Variants in EEPD1 observed in about 807,000 individuals in gnomAD.
EEPD1 encodes endonuclease/exonuclease/phosphatase family domain containing 1.
In EEPD1, 17 loss-of-function variants were observed where a neutral mutation model predicts 46.3. The observed-to-expected ratio is 0.37, with a 90% CI of 0.25 to 0.55. The LOEUF (loss-of-function observed/expected upper bound fraction) is 0.55. Ranked by LOEUF, EEPD1 falls within the 20% of genes least tolerant of loss-of-function variation. EEPD1 has a pLI of 0.83. For missense variants in EEPD1, 673 were observed against 745.6 expected, an observed-to-expected ratio of 0.90 and a Z score of 1.13; for synonymous variants, 313 against 315.6, an observed-to-expected ratio of 0.99 and a Z score of 0.09.
At chr7:36,181,747 A>G (rs1158167653) in intron 2 of EEPD1, among the ~76,000 whole-genome samples, 2 of 152,206 alleles carry the variant, frequency 1.3e-5, no homozygotes, top group African/African-American at 4.8e-5. Context: ...AGTGGGTTGT[A>G]TGAAGTTCAA....
intron 3 of EEPD1, among the ~76,000 whole-genome samples, chr7:36,269,486 T>G (rs1421872870): frequency 6.6e-6 from 1 of 152,160 alleles, no homozygotes; most frequent in Non-Finnish European, 1.5e-5. Flanking sequence ...AGACCCTGTC[T>G]CTGAAAAACT....
chr7:36,278,944 C>T (rs570007041), intron 3 of EEPD1, among the ~76,000 whole-genome samples: 1 of 152,270 alleles, frequency 6.6e-6, no homozygotes, highest in South Asian at 2.1e-4. Context: ...GAAAGTAGAA[C>T]CTATAAAAGT....
intron 2 of EEPD1, among the ~76,000 whole-genome samples, chr7:36,188,248 T>G (rs1490918509): frequency 2.0e-5 from 3 of 152,240 alleles, no homozygotes; most frequent in Non-Finnish European, 1.5e-5. Flanking sequence ...TTATTAGTTG[T>G]ACTACAGCAT....
chr7:36,173,950 AATC>A lies in EEPD1; in HGVS notation c.878+18752_878+18754del, dbSNP rs201757283. On this transcript the variant is annotated intron_variant, in intron 2 of 7. Coordinates refer to ENST00000242108, the MANE Select transcript of EEPD1 (RefSeq NM_030636.3). ...GGGTCTGGGCCCTACAGGTCCGTGT[AATC>A]ATCCTGATCTCTGATGGAGAGCCAG... 4.8e-3 allele frequency among the ~76,000 whole-genome samples: 734 copies of A among 152,316 alleles called. 2 individuals are homozygous for A. The highest frequency in any genetic ancestry group is 7.5e-3 in the Non-Finnish European group (507 of 68,018).
intron 5 of EEPD1, among the ~76,000 whole-genome samples, chr7:36,286,111 G>A (rs997020485): frequency 2.6e-5 from 4 of 152,094 alleles, no homozygotes; most frequent in African/African-American, 7.2e-5. Flanking sequence ...TAACCCTATG[G>A]GTGATACTGA....
chr7:36,289,529 G>A (rs1787393386), intron 6 of EEPD1, among the ~76,000 whole-genome samples: 1 of 152,172 alleles, frequency 6.6e-6, no homozygotes, highest in Non-Finnish European at 1.5e-5. Context: ...TTGTGTGTGT[G>A]TGTCGCCCAG....
At chr7:36,271,951 G>A (rs763116707) in intron 3 of EEPD1, among the ~76,000 whole-genome samples, 31 of 151,122 alleles carry the variant, frequency 2.1e-4, no homozygotes, top group Non-Finnish European at 3.4e-4. Context: ...GCACAATCTC[G>A]GCCCACTGCA....
Position 36,154,517 on chromosome 7 carries a change from G to A in EEPD1, c.193G>A (p.Val65Met), listed in dbSNP as rs1164818369. Residue 65 changes from valine (V) to methionine (M), a missense_variant, in exon 2 of 8, where the codon GTG becomes ATG. Physicochemically the swap from Val to Met is conservative, Grantham distance 21. Transcript: ENST00000242108. The surrounding 1 kb of genome is among the most constrained non-coding windows in gnomAD (Gnocchi z 4.2). ...GACGCGTGCCGTGGCACGCAGCATC[G>A]TGGAGTACCGAGAGTATATCGGTGG... ...GVTRAVARSI[V>M]EYREYIGGFK... is the part of the protein sequence containing the mutation. 1.2e-6 allele frequency: 2 copies of A among 1,614,228 alleles called. No homozygotes were observed. The highest frequency in any genetic ancestry group is 1.7e-6 in the Non-Finnish European group (2 of 1,180,036).
rs141010322 is a variant in EEPD1, at chr7:36,154,645, G to A, written c.321G>A (p.Ala107=). 265 of 1,613,922 alleles carry A rather than the reference G, an allele frequency of 1.6e-4. 4 individuals carry two copies. In the East Asian group the frequency reaches 5.8e-3, roughly 35 times the overall value. The stretch of plus-strand genomic sequence containing the variant: ...GTGTGAGCAGCAAGGGCAGCTCAGC[G>A]CAGCACTCTCCCAGTTCCCTGCGGC... ...EICVSSKGSS[A]QHSPSSLRRD... The change falls in exon 2 of 8, where the codon GCG becomes GCA. Residue 107 remains alanine (A), a synonymous_variant. Transcript: ENST00000242108. The surrounding 1 kb of genome is among the most constrained non-coding windows in gnomAD (Gnocchi z 4.2).
At chr7:36,212,830 A>G (rs937469197) in intron 2 of EEPD1, among the ~76,000 whole-genome samples, 1 of 152,212 alleles carries the variant, frequency 6.6e-6, no homozygotes, top group Non-Finnish European at 1.5e-5. Context: ...CATATATTTT[A>G]TCATCATTAA....
At chr7:36,264,791 A>G (rs913228853) in intron 3 of EEPD1, among the ~76,000 whole-genome samples, 6 of 152,060 alleles carry the variant, frequency 3.9e-5, no homozygotes, top group African/African-American at 1.4e-4. Context: ...TAGCTTGGGT[A>G]TTTGGCTTTC....
rs1787360956 is a variant in EEPD1, at chr7:36,287,653, C to T, written c.1191C>T (p.Asp397=). The T allele has an allele frequency of 6.2e-7, 1 of 1,614,028 alleles. No individual in the cohort carries two copies. Among genetic ancestry groups the T allele is most frequent in the Non-Finnish European group, 8.5e-7 (1 of 1,179,930 alleles). The change falls in exon 6 of 8, where the codon GAC becomes GAT. Residue 397 remains aspartate, a synonymous_variant. Coordinates refer to ENST00000242108, the MANE Select transcript of EEPD1 (RefSeq NM_030636.3). ...YLGRFKVGSH[D]LTLVNLHLAA... ...CTGCTGCCTAGGTGGGAAGTCACGA[C>T]CTGACCCTTGTTAACCTTCACCTGG...
intron 2 of EEPD1, among the ~76,000 whole-genome samples, chr7:36,155,638 C>G (rs542553919): frequency 1.3e-5 from 2 of 152,282 alleles, no homozygotes; most frequent in Non-Finnish European, 2.9e-5. Flanking sequence ...CACACAAAAT[C>G]ATCTTAAAGG....
chr7:36,244,941 G>C (rs1437264930), intron 3 of EEPD1, among the ~76,000 whole-genome samples: 2 of 140,676 alleles, frequency 1.4e-5, no homozygotes, highest in Admixed American at 1.4e-4. Flanking sequence ...CCCGGCTAAT[G>C]TTTTTTTTTT....
chr7:36,239,383 C>T (rs978553437), intron 3 of EEPD1, among the ~76,000 whole-genome samples: 5 of 152,000 alleles, frequency 3.3e-5, no homozygotes, highest in African/African-American at 1.2e-4. Context: ...TGTTGGCCAC[C>T]TCACTGCATT....
chr7:36,158,452 G>T (rs1784856694), intron 2 of EEPD1, among the ~76,000 whole-genome samples: 1 of 152,188 alleles, frequency 6.6e-6, no homozygotes, highest in Non-Finnish European at 1.5e-5. Flanking sequence ...TTTAGTAGGT[G>T]TGTTTTCTTA....
chr7:36,228,911 G>A (rs1786273982), intron 2 of EEPD1: 1 of 152,280 alleles, frequency 6.6e-6, no homozygotes, highest in Non-Finnish European at 1.5e-5. Flanking sequence ...AGACATGTGA[G>A]TAGAGAGTGG....
chr7:36,187,955 G>A (rs568287944), intron 2 of EEPD1, among the ~76,000 whole-genome samples: 9 of 152,158 alleles, frequency 5.9e-5, no homozygotes, highest in Middle Eastern at 6.8e-3. Context: ...GTGCCACCAC[G>A]CCCGGCTAAT....
At chr7:36,202,938 A>G (rs990167297) in intron 2 of EEPD1, among the ~76,000 whole-genome samples, 3 of 152,202 alleles carry the variant, frequency 2.0e-5, no homozygotes, top group Non-Finnish European at 4.4e-5. Flanking sequence ...CAGTCAAACC[A>G]ACGGCTTCTT....
Sources: gnomAD v4.1 joint callset for allele counts (sites outside exome capture counted in the v4.1 genomes callset) on GRCh38, gnomAD v4.1.1 for gene constraint, Gnocchi (gnomAD v3.1) non-coding constraint, MANE v1.5 for transcripts, NCBI Gene and HGNC (gene_info 2026-07-23, HGNC 2026-07-21) for gene names.